Variants in DLGAP1 observed in about 807,000 individuals in gnomAD.
The protein encoded by DLGAP1 is DLG associated protein 1, also known as disks large-associated protein 1.
In DLGAP1, 11 loss-of-function variants were observed where a neutral mutation model predicts 90.8. The ratio of observed to expected loss-of-function variants is 0.12; its 90% CI spans 0.08 to 0.20. The LOEUF is 0.20. DLGAP1 is among the 10% of genes least tolerant of loss of function. The pLI, the probability that DLGAP1 is intolerant of heterozygous loss-of-function variation, is 1.00. For missense variants in DLGAP1, 1,050 were observed against 1,333.8 expected, an observed-to-expected ratio of 0.79 and a Z score of 3.31; for synonymous variants, 558 against 540.7, an observed-to-expected ratio of 1.03 and a Z score of -0.44.
chr18:4,106,149 C>G (rs1433985788), intron 2 of DLGAP1, among the ~76,000 whole-genome samples: 1 of 151,412 alleles, frequency 6.6e-6, no homozygotes. Flanking sequence ...CTGTCTCTAG[C>G]TCAGAGACAA....
At chr18:4,449,829 G>C (rs1040624502) in intron 1 of DLGAP1, among the ~76,000 whole-genome samples, 6 of 152,154 alleles carry the variant, frequency 3.9e-5, no homozygotes, top group Non-Finnish European at 8.8e-5. Context: ...AACAATGTAA[G>C]AAACAGCATT....
At position 4,388,675 on chromosome 18, in the gene DLGAP1, G is replaced by C. The variant is rs116382415; in HGVS notation, c.-267+66331C>G. On this transcript the variant is annotated intron_variant, in intron 1 of 12. Transcript: ENST00000315677. The stretch of plus-strand genomic sequence containing the variant: ...TTACAAACTTCAGACTTCATATTAG[G>C]AAGGAAAAAGTTACTCTCCCCCACC... 9.5e-3 allele frequency among the ~76,000 whole-genome samples: 1,447 copies of C among 152,080 alleles called. 20 individuals carry two copies. The highest frequency in any genetic ancestry group is 0.034 in the African/African-American group (1,391 of 41,462).
chr18:4,166,046 C>A lies in DLGAP1; in HGVS notation c.-266-14759G>T, dbSNP rs551545844. Among the ~76,000 whole-genome samples the A allele has an allele frequency of 1.0e-3, 154 of 152,048 alleles. 1 individual carries two copies. Among genetic ancestry groups the A allele is most frequent in the African/African-American group, 3.6e-3 (147 of 41,394 alleles). Reference sequence around the variant, plus strand: ...TGGTGGCATGTGCCTGCAGTACTAGCCACTCAGGAGCCTGAGGTAGAAAGA... The same window carrying A: ...TGGTGGCATGTGCCTGCAGTACTAGACACTCAGGAGCCTGAGGTAGAAAGA... On this transcript the variant is annotated intron_variant, in intron 1 of 12. Coordinates refer to ENST00000315677, the MANE Select transcript of DLGAP1 (RefSeq NM_004746.4).
In DLGAP1 at chr18:3,685,932, GGGAGGCCAAGGCA is replaced by G. The variant is rs528178367; in HGVS notation, c.1591+43190_1591+43202del. On this transcript the variant is annotated intron_variant, in intron 7 of 12. Transcript: ENST00000315677. ...CTCATGCCTGGAATCCCAGCACTTT[GGGAGGCCAAGGCA>G]GGAGGATCACCTGATGTCAGGAGTT... Among the ~76,000 whole-genome samples the G allele has an allele frequency of 9.2e-4, 140 of 152,330 alleles. 1 individual carries two copies. The highest frequency in any genetic ancestry group is 3.3e-3 in the African/African-American group (137 of 41,590).
intron 3 of DLGAP1, among the ~76,000 whole-genome samples, chr18:3,976,222 G>A (rs11663400): frequency 0.54 from 66,267 of 123,766 alleles, 14,968 homozygotes; most frequent in Middle Eastern, 0.63. Flanking sequence ...TAATAATAAC[G>A]ATAATTAGCC....
rs375476180 is a variant in DLGAP1, at chr18:4,406,047, C to G, written c.-267+48959G>C. 1.2e-4 allele frequency among the ~76,000 whole-genome samples: 18 copies of G among 152,242 alleles called. No homozygotes were observed. In the Middle Eastern group the frequency reaches 0.017, roughly 144 times the overall value. On this transcript the variant is annotated intron_variant, in intron 1 of 12. Transcript: ENST00000315677. ...GGATTCCCATTAGTTACTTGGTTTACGCCCTATGTAAGTGAAGGCGTGGCC... is the reference window on the plus strand; with the variant it reads ...GGATTCCCATTAGTTACTTGGTTTAGGCCCTATGTAAGTGAAGGCGTGGCC...
intron 7 of DLGAP1, among the ~76,000 whole-genome samples, chr18:3,701,763 G>A (rs2061287037): frequency 1.3e-5 from 2 of 152,292 alleles, no homozygotes; most frequent in South Asian, 4.1e-4. Context: ...TGGGTTCAGA[G>A]CAAAGAGGGA....
intron 3 of DLGAP1, chr18:3,896,347 A>G (rs1052004018): frequency 6.6e-6 from 1 of 152,278 alleles, no homozygotes; most frequent in Non-Finnish European, 1.5e-5. Flanking sequence ...ACCACCGTCA[A>G]TCAATGCATC....
intron 6 of DLGAP1, among the ~76,000 whole-genome samples, chr18:3,737,369 C>T (rs1299435288): frequency 1.3e-5 from 2 of 150,494 alleles, no homozygotes; most frequent in African/African-American, 4.9e-5. Context: ...ATGCAAAAAT[C>T]CTCAATAAAA....
intron 7 of DLGAP1, among the ~76,000 whole-genome samples, chr18:3,659,615 G>A (rs2146577619): frequency 6.6e-6 from 1 of 151,314 alleles, no homozygotes; most frequent in Non-Finnish European, 1.5e-5. Flanking sequence ...GCCCAGGCTG[G>A]AGTGCAGTGG....
intron 1 of DLGAP1, among the ~76,000 whole-genome samples, chr18:4,242,646 G>A (rs563375297): frequency 1.3e-5 from 2 of 152,270 alleles, no homozygotes; most frequent in East Asian, 3.9e-4. Context: ...AGTGGCACTA[G>A]GAACCCGATA....
In DLGAP1 at chr18:3,845,311, T is replaced by C. The variant is rs768447260; in HGVS notation, c.958-31038A>G. 4 of 1,603,912 alleles carry C rather than the reference T, an allele frequency of 2.5e-6. No individual in the cohort carries two copies. The South Asian group carries it at 3.4e-5, about 13-fold the overall frequency. ...TCATCTCAGCTTTGATTTGGTATAG[T>C]GCAGCTGAGAGCATTTAGCTTCTCT... On this transcript the variant is annotated intron_variant, in intron 4 of 12. Transcript: ENST00000315677.
chr18:4,451,850 T>TA (rs1323663912), intron 1 of DLGAP1, among the ~76,000 whole-genome samples: 5 of 151,628 alleles, frequency 3.3e-5, no homozygotes, highest in African/African-American at 7.3e-5. Flanking sequence ...TTCTTTAAAA[T>TA]AAAAAAAATG....
At chr18:4,235,218 G>A (rs2078383247) in intron 1 of DLGAP1, among the ~76,000 whole-genome samples, 2 of 151,972 alleles carry the variant, frequency 1.3e-5, no homozygotes, top group Admixed American at 1.3e-4. Flanking sequence ...TACCCTCACG[G>A]GCCCACCACA....
chr18:4,415,673 T>G (rs972339345), intron 1 of DLGAP1, among the ~76,000 whole-genome samples: 2 of 152,160 alleles, frequency 1.3e-5, no homozygotes, highest in Non-Finnish European at 2.9e-5. Context: ...CTGATATAGA[T>G]TCAAAAATTG....
chr18:3,800,143 G>T (rs2066219503), intron 5 of DLGAP1, among the ~76,000 whole-genome samples: 1 of 152,108 alleles, frequency 6.6e-6, no homozygotes, highest in African/African-American at 2.4e-5. Context: ...TTCCTATTTT[G>T]GTGGGTGGGA....
At chr18:3,637,334 C>A (rs1310758358) in intron 7 of DLGAP1, among the ~76,000 whole-genome samples, 2 of 152,034 alleles carry the variant, frequency 1.3e-5, no homozygotes, top group Non-Finnish European at 2.9e-5. Flanking sequence ...CCATCTGAGG[C>A]TCTCCTCTTG....
chr18:4,447,942 T>G (rs1034658240), intron 1 of DLGAP1, among the ~76,000 whole-genome samples: 1 of 152,132 alleles, frequency 6.6e-6, no homozygotes, highest in South Asian at 2.1e-4. Flanking sequence ...AATCTAAACA[T>G]TCTTGTATAG....
Position 3,773,602 on chromosome 18 carries a change from C to G in DLGAP1, c.1173-31090G>C, listed in dbSNP as rs535219681. Among the ~76,000 whole-genome samples the G allele has an allele frequency of 3.3e-5, 5 of 152,242 alleles. No homozygotes were observed. The South Asian group carries it at 1.0e-3, about 32-fold the overall frequency. ...GATCCCCTAGTGCTGAAAACAAGAA[C>G]TGGCAGAGCAAGTTCTGGTGTACCT... is the stretch of plus-strand genomic sequence containing the variant. On this transcript the variant is annotated intron_variant, in intron 5 of 12. Transcript: ENST00000315677.
Sources: gnomAD v4.1 joint callset for allele counts (sites outside exome capture counted in the v4.1 genomes callset) on GRCh38, gnomAD v4.1.1 for gene constraint, MANE v1.5 for transcripts, NCBI Gene and HGNC (gene_info 2026-07-23, HGNC 2026-07-21) for gene names.